Variants in PARP11 observed in about 807,000 individuals in gnomAD.
The protein encoded by PARP11 is protein mono-ADP-ribosyltransferase PARP11.
Under a neutral mutation model 42.9 loss-of-function variants are expected in PARP11, and 31 were observed. That is an observed-to-expected ratio of 0.72 (90% CI 0.54 to 0.98). PARP11 has a LOEUF of 0.98. Ranked by LOEUF, PARP11 falls within the 50% of genes least tolerant of loss-of-function variation. PARP11 has a pLI of 0.00. For synonymous variants in PARP11, 137 were observed against 127.3 expected (o/e 1.08, Z -0.51); for missense variants, 365 against 413.1 (o/e 0.88, Z 1.01).
Position 3,812,202 on chromosome 12 carries a change from T to A in PARP11, c.938A>T (p.Asp313Val). Reference sequence around the variant, plus strand: ...AAAGATCTTTGGGTTCCAGGTATCATCCACACAGCTGTCATATAAATTCAC... The same window carrying A: ...AAAGATCTTTGGGTTCCAGGTATCAACCACACAGCTGTCATATAAATTCAC... ...SYVNLYDSCV[D>V]DTWNPKIFVV... is the part of the protein sequence containing the mutation. Residue 313 changes from aspartate (D) to valine (V), a missense_variant, in exon 8 of 8, where the codon GAT (aspartate) becomes GTT (valine). Asp to Val is a radical substitution (Grantham distance 152). Transcript: ENST00000228820. 6.2e-7 allele frequency: 1 copy of A among 1,614,154 alleles called. No homozygotes were observed.
intron 1 of PARP11, among the ~76,000 whole-genome samples, chr12:3,863,184 G>C (rs1190177751): frequency 6.6e-6 from 1 of 152,146 alleles, no homozygotes; most frequent in African/African-American, 2.4e-5. Context: ...CTACTGTATA[G>C]AGATACATTG....
chr12:3,851,069 T>C (rs1422268123), intron 1 of PARP11, among the ~76,000 whole-genome samples: 1 of 152,066 alleles, frequency 6.6e-6, no homozygotes, highest in African/African-American at 2.4e-5. Flanking sequence ...GAACTGAAAA[T>C]TGAAAAGAAT....
chr12:3,866,592 T>C (rs748515338), intron 1 of PARP11, among the ~76,000 whole-genome samples: 9 of 152,204 alleles, frequency 5.9e-5, no homozygotes, highest in Non-Finnish European at 1.3e-4. Context: ...TGTTGATACA[T>C]TCATATCAGC....
intron 1 of PARP11, among the ~76,000 whole-genome samples, chr12:3,850,708 G>A (rs1194858309): frequency 2.0e-5 from 3 of 152,174 alleles, no homozygotes; most frequent in African/African-American, 4.8e-5. Context: ...AAGGCCTGCA[G>A]ATATCACTGT....
At chr12:3,872,358 T>TAA (rs1009791125) in intron 1 of PARP11, among the ~76,000 whole-genome samples, 1 of 152,212 alleles carries the variant, frequency 6.6e-6, no homozygotes, top group African/African-American at 2.4e-5. Flanking sequence ...TTTACCTTGT[T>TAA]AACCTATCTT....
At chr12:3,816,425 C>CT (rs1255327554) in intron 6 of PARP11, among the ~76,000 whole-genome samples, 8 of 152,174 alleles carry the variant, frequency 5.3e-5, no homozygotes, top group Non-Finnish European at 8.8e-5. Flanking sequence ...TTGCGTAAGA[C>CT]TTTTTGTCTA....
At position 3,861,942 on chromosome 12, in the gene PARP11, G is replaced by A. The variant is rs772738217; in HGVS notation, c.18+11270C>T. Among the ~76,000 whole-genome samples the A allele has an allele frequency of 2.6e-5, 4 of 151,994 alleles. No homozygotes were observed. The highest frequency in any genetic ancestry group is 6.6e-5 in the Admixed American group (1 of 15,266). On this transcript the variant is annotated intron_variant, in intron 1 of 7. Transcript: ENST00000228820. This position sits in a 1 kb window ranked among gnomAD's most constrained non-coding sequence, Gnocchi z 4.6. ...CGGGAGGCTGAGACAGGAGAATGGC[G>A]TGAACCCAGGAGGCAGAGCTTGCAG...
intron 1 of PARP11, among the ~76,000 whole-genome samples, chr12:3,856,524 T>A: frequency 6.6e-6 from 1 of 152,190 alleles, no homozygotes; most frequent in East Asian, 1.9e-4. Flanking sequence ...GAAAAAATGC[T>A]CATCATCACT....
intron 1 of PARP11, among the ~76,000 whole-genome samples, chr12:3,832,299 G>C (rs2138051176): frequency 6.6e-6 from 1 of 152,216 alleles, no homozygotes; most frequent in South Asian, 2.1e-4. Flanking sequence ...CCAATGTGCA[G>C]GAGAGATAAG....
intron 1 of PARP11, chr12:3,839,641 A>C (rs1947846860): frequency 2.0e-6 from 2 of 1,008,028 alleles, no homozygotes; most frequent in Non-Finnish European, 3.2e-6. Context: ...TCTTATGTAC[A>C]GGAAAGATTT....
chr12:3,870,076 T>C (rs1158550244), intron 1 of PARP11, among the ~76,000 whole-genome samples: 1 of 152,210 alleles, frequency 6.6e-6, no homozygotes, highest in Non-Finnish European at 1.5e-5. Context: ...TATTAATTGT[T>C]CATTTCTGGA....
intron 7 of PARP11, among the ~76,000 whole-genome samples, 188 bp from the exon 8 acceptor site, chr12:3,812,627 T>G (rs1479833970): frequency 6.6e-6 from 1 of 152,216 alleles, no homozygotes; most frequent in Non-Finnish European, 1.5e-5. Flanking sequence ...TAGTATAGAC[T>G]GCCATAGGAA....
At position 3,826,164 on chromosome 12, in the gene PARP11, G is replaced by A; in HGVS notation, c.338C>T (p.Ala113Val). ...CCTATTCTCTTTACCATACCTGAAA[G>A]CACTGATAGAAAAGGGGGCTCTTTT... ...LIKRAPFSIS[A>V]FSYICENEAI... Residue 113 changes from alanine (A) to valine (V), a missense_variant, in exon 4 of 8, where the codon GCT becomes GTT. Physicochemically the swap from Ala to Val is moderately conservative, Grantham distance 64 (BLOSUM62 0). Coordinates refer to ENST00000228820, the MANE Select transcript of PARP11 (RefSeq NM_020367.6). The A allele has an allele frequency of 1.3e-6, 2 of 1,585,400 alleles. No homozygotes were observed. The highest frequency in any genetic ancestry group is 2.3e-5 in the South Asian group (2 of 86,502).
chr12:3,818,297 G>T (rs1947331206), intron 6 of PARP11, among the ~76,000 whole-genome samples: 1 of 152,048 alleles, frequency 6.6e-6, no homozygotes, highest in South Asian at 2.1e-4. Flanking sequence ...CTTCACAAAA[G>T]AAACGGAAGG....
At chr12:3,820,126 T>C (rs1947363471) in intron 6 of PARP11, among the ~76,000 whole-genome samples, 1 of 152,240 alleles carries the variant, frequency 6.6e-6, no homozygotes, top group African/African-American at 2.4e-5. Flanking sequence ...TACAATGGTC[T>C]GGCTCTCCAA....
At chr12:3,854,846 C>A (rs1948164407) in intron 1 of PARP11, among the ~76,000 whole-genome samples, 1 of 152,146 alleles carries the variant, frequency 6.6e-6, no homozygotes, top group Non-Finnish European at 1.5e-5. Flanking sequence ...GAATTTTAGA[C>A]CAATATCCCT....
rs181005954 is a variant in PARP11 at position 3,835,572 on chromosome 12, C to G, written c.19-5554G>C. ...AGGCACAGGTGGTAGACTGGGCAAA[C>G]AAACACTTCAAAGCAATTATTACAA... On this transcript the variant is annotated intron_variant, in intron 1 of 7. Transcript: ENST00000228820. Among the ~76,000 whole-genome samples the G allele has an allele frequency of 3.1e-3, 479 of 152,210 alleles. 5 individuals carry two copies. Among genetic ancestry groups the G allele is most frequent in the African/African-American group, 0.011 (451 of 41,544 alleles).
intron 1 of PARP11, among the ~76,000 whole-genome samples, chr12:3,867,806 C>A (rs1033609519): frequency 2.0e-5 from 3 of 152,326 alleles, no homozygotes; most frequent in Middle Eastern, 3.4e-3. Context: ...CCATTTGTTA[C>A]TATCTTCCAA....
Position 3,854,598 on chromosome 12 carries a change from T to C in PARP11, c.18+18614A>G, listed in dbSNP as rs183265684. ...AAGACTAAACCAGGAAGAGGTTGAA[T>C]CCCTGAATAGACCAGTAACAGGATC... On this transcript the variant is annotated intron_variant, in intron 1 of 7. Transcript: ENST00000228820. Among the ~76,000 whole-genome samples the C allele has an allele frequency of 1.9e-4, 29 of 152,222 alleles. No homozygotes were observed. In the East Asian group the frequency reaches 4.8e-3, roughly 25 times the overall value.
Sources: allele counts gnomAD v4.1 joint callset (sites outside exome capture counted in the v4.1 genomes callset), GRCh38; gene constraint gnomAD v4.1.1; non-coding constraint Gnocchi (gnomAD v3.1); transcripts MANE v1.5; gene names NCBI Gene and HGNC (gene_info 2026-07-23, HGNC 2026-07-21).